F13A1: variants seen among roughly 807,000 people sequenced by gnomAD.
F13A1 encodes FSF, A subunit.
A neutral mutation model predicts 80.1 loss-of-function variants in F13A1; 47 were observed. The observed-to-expected ratio is 0.59, with a 90% CI of 0.46 to 0.75. The LOEUF is 0.75. F13A1 is among the 30% of genes least tolerant of loss of function. F13A1 has a pLI of 0.00. For missense variants in F13A1, 817 were observed against 930.4 expected (o/e 0.88, Z 1.59); for synonymous variants, 349 against 344.9 (o/e 1.01, Z -0.13).
intron 6 of F13A1, among the ~76,000 whole-genome samples, chr6:6,242,245 C>T (rs554123721): frequency 2.0e-5 from 3 of 152,216 alleles, no homozygotes; most frequent in Admixed American, 2.0e-4. Context: ...GGACCTACTC[C>T]GAATTGTGGT....
At chr6:6,192,620 G>T (rs1341991548) in intron 10 of F13A1, among the ~76,000 whole-genome samples, 4 of 152,172 alleles carry the variant, frequency 2.6e-5, no homozygotes, top group African/African-American at 4.8e-5. Context: ...AAATAAATAA[G>T]TTTGAATTGA....
intron 3 of F13A1, among the ~76,000 whole-genome samples, chr6:6,270,520 C>T (rs552539059): frequency 6.6e-6 from 1 of 152,240 alleles, no homozygotes; most frequent in East Asian, 1.9e-4. Flanking sequence ...CATAGTGATG[C>T]AAATAAAGTG....
chr6:6,303,157 A>G (rs1032391387), intron 3 of F13A1, among the ~76,000 whole-genome samples: 8 of 152,180 alleles, frequency 5.3e-5, no homozygotes, highest in African/African-American at 1.9e-4. Flanking sequence ...ATTATGTCCT[A>G]CTAAATATTT....
chr6:6,318,779 T>C (rs1758727590), intron 1 of F13A1, 97 bp from the exon 2 acceptor site: 5 of 1,311,054 alleles, frequency 3.8e-6, no homozygotes, highest in Non-Finnish European at 5.3e-6. Flanking sequence ...GATATATCTG[T>C]GTGTGATAGC....
chr6:6,235,848 A>G (rs1021864642), intron 6 of F13A1, among the ~76,000 whole-genome samples: 1 of 152,148 alleles, frequency 6.6e-6, no homozygotes, highest in African/African-American at 2.4e-5. Flanking sequence ...TTCCAAGCTA[A>G]AGTTTCTGGC....
At position 6,249,994 on chromosome 6, in the gene F13A1, T is replaced by C. The variant is rs563773983; in HGVS notation, c.690+817A>G. On this transcript the variant is annotated intron_variant, in intron 5 of 14. Transcript: ENST00000264870. ...GTAAGGAACACAGGGAGATCCCATA[T>C]GGAAGTCAAAGCAAGGCATCCGGAG... 2.0e-5 allele frequency among the ~76,000 whole-genome samples: 3 copies of C among 152,194 alleles called. 1 individual carries two copies. The East Asian group carries it at 5.8e-4, about 30-fold the overall frequency.
rs564100545 is a variant in F13A1, at chr6:6,224,590, C to T, written c.973+96G>A. 1.1e-4 allele frequency: 131 copies of T among 1,180,728 alleles called. No homozygotes were observed. In the South Asian group the frequency reaches 1.6e-3, roughly 15 times the overall value. 73.1% of individuals were successfully genotyped at this position (1,180,728 alleles called of 1,614,324 possible). A position where few individuals can be genotyped will look rare whatever the true frequency, so the allele number is the denominator to read the frequency against. On this transcript the variant is annotated intron_variant, in intron 7 of 14. Transcript: ENST00000264870. ...TCACCCATAAATTCTATAGTGTCAA[C>T]AGGGGCTGCTATGTCTCTTTGTTAG...
intron 14 of F13A1, among the ~76,000 whole-genome samples, chr6:6,147,461 A>G (rs1760305586): frequency 6.6e-6 from 1 of 152,214 alleles, no homozygotes. Context: ...ATAATTTAGG[A>G]AAGTTTCTCC....
chr6:6,157,457 T>A (rs1456494482), intron 13 of F13A1, among the ~76,000 whole-genome samples: 1 of 152,098 alleles, frequency 6.6e-6, no homozygotes, highest in Non-Finnish European at 1.5e-5. Context: ...TGGAATAGCT[T>A]CTTTATTTTC....
At chr6:6,295,521 T>C (rs1313218317) in intron 3 of F13A1, among the ~76,000 whole-genome samples, 6 of 146,210 alleles carry the variant, frequency 4.1e-5, no homozygotes, top group African/African-American at 1.6e-4. Context: ...TTTCATGTGT[T>C]TTTTGGCTGC....
At chr6:6,168,326 T>C (rs1241129405) in intron 12 of F13A1, among the ~76,000 whole-genome samples, 1 of 152,204 alleles carries the variant, frequency 6.6e-6, no homozygotes, top group African/African-American at 2.4e-5. Flanking sequence ...ATTTGGAAGA[T>C]GGAGAGTGGT....
At chr6:6,240,471 C>G (rs1399989446) in intron 6 of F13A1, among the ~76,000 whole-genome samples, 1 of 152,070 alleles carries the variant, frequency 6.6e-6, no homozygotes, top group African/African-American at 2.4e-5. Flanking sequence ...AGAGGACAGA[C>G]AGAGGACAAA....
At chr6:6,212,043 C>T (rs1030058766) in intron 8 of F13A1, among the ~76,000 whole-genome samples, 13 of 152,250 alleles carry the variant, frequency 8.5e-5, no homozygotes, top group African/African-American at 2.4e-4. Context: ...CACGGAGTCT[C>T]GCTGATTGCT....
At chr6:6,194,896 G>A (rs1761263123) in intron 10 of F13A1, among the ~76,000 whole-genome samples, 1 of 152,208 alleles carries the variant, frequency 6.6e-6, no homozygotes, top group African/African-American at 2.4e-5. Context: ...TTGTGAGAAA[G>A]TCACTTAATC....
intron 6 of F13A1, among the ~76,000 whole-genome samples, chr6:6,234,101 G>A (rs1303808638): frequency 6.6e-6 from 1 of 152,084 alleles, no homozygotes; most frequent in African/African-American, 2.4e-5. Context: ...CCTAGCCAGA[G>A]CAATAAGTTA....
intron 8 of F13A1, among the ~76,000 whole-genome samples, chr6:6,198,415 T>A (rs1761330083): frequency 1.3e-5 from 2 of 152,188 alleles, no homozygotes; most frequent in African/African-American, 4.8e-5. Context: ...GATTTAATAA[T>A]GTGGTGAGGT....
intron 3 of F13A1, among the ~76,000 whole-genome samples, chr6:6,276,270 G>A (rs185310533): frequency 6.6e-6 from 1 of 152,336 alleles, no homozygotes; most frequent in African/African-American, 2.4e-5. Context: ...GGAGATGTCA[G>A]GGTGTGTCTC....
At chr6:6,292,371 C>T (rs530835202) in intron 3 of F13A1, among the ~76,000 whole-genome samples, 1 of 152,284 alleles carries the variant, frequency 6.6e-6, no homozygotes, top group East Asian at 1.9e-4. Flanking sequence ...TCCCTTCCAC[C>T]CCTCACAGAC....
At chr6:6,159,103 G>A (rs1055208152) in intron 13 of F13A1, among the ~76,000 whole-genome samples, 40 of 151,890 alleles carry the variant, frequency 2.6e-4, no homozygotes, top group African/African-American at 4.6e-4. Flanking sequence ...GGGTTTCACC[G>A]TGTTAGCCAG....
Sources: gnomAD v4.1 joint callset for allele counts (sites outside exome capture counted in the v4.1 genomes callset) on GRCh38, gnomAD v4.1.1 for gene constraint, MANE v1.5 for transcripts, NCBI Gene and HGNC (gene_info 2026-07-23, HGNC 2026-07-21) for gene names.